The following SEMA3E variants were observed in gnomAD, a reference collection of about 807,000 sequenced individuals.
SEMA3E encodes the protein semaphorin 3E.
A neutral mutation model predicts 93.6 loss-of-function variants in SEMA3E; 49 were observed. The ratio of observed to expected loss-of-function variants is 0.52; its 90% confidence interval spans 0.42 to 0.66. The LOEUF is 0.66. SEMA3E is among the 30% of genes least tolerant of loss of function. The pLI is 0.00. For missense variants in SEMA3E, 906 were observed against 964.8 expected (o/e 0.94, Z 0.81); for synonymous variants, 363 against 330.7 (o/e 1.10, Z -1.06).
chr7:83,432,122 G>A (rs1164229563), intron 4 of SEMA3E, among the ~76,000 whole-genome samples: 1 of 152,030 alleles, frequency 6.6e-6, no homozygotes, highest in East Asian at 1.9e-4. Context: ...GTCTCCAGAC[G>A]ATTCCAGTCT....
At chr7:83,643,968 C>A (rs1794046630) in intron 1 of SEMA3E, among the ~76,000 whole-genome samples, 2 of 151,830 alleles carry the variant, frequency 1.3e-5, no homozygotes, top group African/African-American at 4.8e-5. Context: ...GATGAGGAAC[C>A]AAAGCTATGA....
At chr7:83,471,340 A>T (rs1362518703) in intron 2 of SEMA3E, among the ~76,000 whole-genome samples, 2 of 144,514 alleles carry the variant, frequency 1.4e-5, no homozygotes, top group Non-Finnish European at 3.0e-5. Context: ...AAGTGTTGAA[A>T]TCTGCACTAG....
chr7:83,644,653 A>G (rs1433865897), intron 1 of SEMA3E, among the ~76,000 whole-genome samples: 1 of 151,946 alleles, frequency 6.6e-6, no homozygotes, highest in Non-Finnish European at 1.5e-5. Flanking sequence ...CATTATTATA[A>G]GTGGGGAGTA....
chr7:83,587,773 G>T (rs1226852743), intron 1 of SEMA3E, among the ~76,000 whole-genome samples: 1 of 151,684 alleles, frequency 6.6e-6, no homozygotes, highest in Non-Finnish European at 1.5e-5. Context: ...TAATAATCAT[G>T]ATTATATGAA....
intron 5 of SEMA3E, among the ~76,000 whole-genome samples, chr7:83,409,065 A>G (rs1303451631): frequency 6.6e-6 from 1 of 152,150 alleles, no homozygotes; most frequent in African/African-American, 2.4e-5. Flanking sequence ...GTCAGATAGG[A>G]AGGATATAAA....
At chr7:83,439,287 C>T (rs774060258) in intron 4 of SEMA3E, among the ~76,000 whole-genome samples, 15 of 152,134 alleles carry the variant, frequency 9.9e-5, no homozygotes, top group Non-Finnish European at 1.8e-4. Flanking sequence ...AAACATAAAT[C>T]CACCATCTGC....
In SEMA3E at chr7:83,460,635, G is replaced by A. The variant is rs568298141; in HGVS notation, c.456+5847C>T. Among the ~76,000 whole-genome samples, 122 of 147,778 alleles carry A rather than the reference G, an allele frequency of 8.3e-4. 1 individual carries two copies. Among genetic ancestry groups the A allele is most frequent in the African/African-American group, 3.0e-3 (117 of 39,272 alleles). On this transcript the variant is annotated intron_variant, in intron 4 of 16. Transcript: ENST00000643230. The stretch of plus-strand genomic sequence containing the variant: ...GTCTCTACCCCTTCTCTGCTTTTCT[G>A]GGGGAGGGGCAAGCACCCCAACCTC...
intron 1 of SEMA3E, among the ~76,000 whole-genome samples, chr7:83,558,589 T>C (rs1791966584): frequency 6.6e-6 from 1 of 152,134 alleles, no homozygotes; most frequent in Admixed American, 6.6e-5. Context: ...TTAATATCAG[T>C]AAAGATGTAT....
chr7:83,565,332 G>A (rs1792121721), intron 1 of SEMA3E, among the ~76,000 whole-genome samples: 1 of 152,136 alleles, frequency 6.6e-6, no homozygotes, highest in African/African-American at 2.4e-5. Context: ...TCATAAGTAG[G>A]AGTTGAACAA....
intron 1 of SEMA3E, among the ~76,000 whole-genome samples, chr7:83,505,061 G>A (rs913339671): frequency 1.3e-5 from 2 of 152,110 alleles, no homozygotes; most frequent in Non-Finnish European, 1.5e-5. Context: ...TTTCTTCATG[G>A]ATTAAGATTA....
At chr7:83,572,620 G>A (rs1392962950) in intron 1 of SEMA3E, among the ~76,000 whole-genome samples, 1 of 151,716 alleles carries the variant, frequency 6.6e-6, no homozygotes, top group Non-Finnish European at 1.5e-5. Context: ...GCCTGGAGAT[G>A]GAGCGAGACT....
chr7:83,489,559 T>G (rs9640942), intron 2 of SEMA3E, among the ~76,000 whole-genome samples: 79,783 of 151,886 alleles, frequency 0.53, 21,291 homozygotes, highest in East Asian at 0.66. Context: ...CTAAGAAAAT[T>G]TGGCTCAATT....
chr7:83,455,099 TCA>T (rs1280145388), intron 4 of SEMA3E, among the ~76,000 whole-genome samples: 5 of 152,208 alleles, frequency 3.3e-5, no homozygotes, highest in Non-Finnish European at 5.9e-5. Context: ...ACACTGAAAA[TCA>T]CAGAGTACAT....
chr7:83,568,161 C>G (rs924742594), intron 1 of SEMA3E, among the ~76,000 whole-genome samples: 28 of 152,060 alleles, frequency 1.8e-4, no homozygotes, highest in African/African-American at 5.8e-4. Context: ...TACATACAAT[C>G]TACCAAGATT....
At chr7:83,532,267 T>C (rs1479544728) in intron 1 of SEMA3E, among the ~76,000 whole-genome samples, 2 of 152,220 alleles carry the variant, frequency 1.3e-5, no homozygotes, top group African/African-American at 4.8e-5. Context: ...TCTGGAGAGA[T>C]AATTGGCAGA....
Position 83,623,199 on chromosome 7 carries a change from G to C in SEMA3E, c.115+25229C>G, listed in dbSNP as rs1217673952. Among the ~76,000 whole-genome samples, 3 of 151,850 alleles carry C rather than the reference G, an allele frequency of 2.0e-5. 1 individual carries two copies. The highest frequency in any genetic ancestry group is 4.4e-5 in the Non-Finnish European group (3 of 67,960). On this transcript the variant is annotated intron_variant, in intron 1 of 16. Transcript: ENST00000643230. ...ATCAAACAAGTGCATAAAGACATAT[G>C]TATACTAATGATGACAACAATATAA...
At chr7:83,558,422 T>C (rs1216113614) in intron 1 of SEMA3E, among the ~76,000 whole-genome samples, 1 of 152,136 alleles carries the variant, frequency 6.6e-6, no homozygotes, top group Non-Finnish European at 1.5e-5. Flanking sequence ...GTATTTGGTT[T>C]CAAAAGACAA....
intron 4 of SEMA3E, among the ~76,000 whole-genome samples, chr7:83,440,053 G>A (rs1252841600): frequency 6.6e-6 from 1 of 152,168 alleles, no homozygotes; most frequent in East Asian, 1.9e-4. Flanking sequence ...AATTTCTGCA[G>A]AGCACTTTAC....
chr7:83,398,453 T>A (rs920173276), intron 11 of SEMA3E, among the ~76,000 whole-genome samples: 1 of 152,156 alleles, frequency 6.6e-6, no homozygotes, highest in Non-Finnish European at 1.5e-5. Flanking sequence ...TTGTTGGAAG[T>A]CACTATGAGT....
Sources: allele counts gnomAD v4.1 joint callset (sites outside exome capture counted in the v4.1 genomes callset), GRCh38; gene constraint gnomAD v4.1.1; transcripts MANE v1.5; gene names NCBI Gene and HGNC (gene_info 2026-07-23, HGNC 2026-07-21).